RPS19: variants seen among roughly 807,000 people sequenced by gnomAD.
RPS19 encodes small ribosomal subunit protein eS19.
Under a neutral mutation model 20.3 loss-of-function variants are expected in RPS19, and 1 was observed. The observed-to-expected ratio is 0.05, with a 90% CI of 0.02 to 0.23. The LOEUF is 0.23. Among genes scored for constraint, RPS19 ranks in the 10% least tolerant of loss-of-function variants. The pLI is 1.00. For missense variants in RPS19, 111 were observed against 192.7 expected, an observed-to-expected ratio of 0.58 and a Z score of 2.51; for synonymous variants, 87 against 74.8, an observed-to-expected ratio of 1.16 and a Z score of -0.84.
At chr19:41,861,451 A>T in intron 3 of RPS19, 1 of 550,732 alleles carries the variant, frequency 1.8e-6, no homozygotes, top group Non-Finnish European at 3.3e-6. Context: ...GAAACCAGAG[A>T]CAGATGAATG....
At chr19:41,870,053 A>C (rs1410711269) in intron 5 of RPS19, among the ~76,000 whole-genome samples, 1 of 152,086 alleles carries the variant, frequency 6.6e-6, no homozygotes, top group African/African-American at 2.4e-5. Flanking sequence ...GACCATTCTG[A>C]CCAACATGGA....
chr19:41,870,808 G>A (rs1340809050), intron 5 of RPS19, among the ~76,000 whole-genome samples: 1 of 147,538 alleles, frequency 6.8e-6, no homozygotes, highest in African/African-American at 2.5e-5. Context: ...CTTCTCACAT[G>A]GCAGTGGGCG....
intron 3 of RPS19, among the ~76,000 whole-genome samples, chr19:41,867,621 A>G (rs1600619024): frequency 6.6e-6 from 1 of 152,310 alleles, no homozygotes; most frequent in Non-Finnish European, 1.5e-5. Flanking sequence ...CTGATCCCAT[A>G]TATTTTAAAT....
chr19:41,865,715 G>A (rs567190752), intron 3 of RPS19, among the ~76,000 whole-genome samples: 126 of 152,040 alleles, frequency 8.3e-4, no homozygotes, highest in African/African-American at 2.9e-3. Context: ...TTCGGAGGCC[G>A]AGGCGGGCGG....
intron 3 of RPS19, among the ~76,000 whole-genome samples, chr19:41,863,645 A>G (rs782009432): frequency 2.6e-5 from 4 of 152,164 alleles, no homozygotes; most frequent in Non-Finnish European, 4.4e-5. Context: ...AAAGAGGCCC[A>G]TGGTAGAAGA....
chr19:41,864,953 G>A (rs2074069515), intron 3 of RPS19: 1 of 152,192 alleles, frequency 6.6e-6, no homozygotes, highest in Non-Finnish European at 1.5e-5. Context: ...TCCAATTTGT[G>A]AAGTTAATAA....
At chr19:41,868,222 A>T (rs1401775787) in intron 3 of RPS19, among the ~76,000 whole-genome samples, 1 of 152,176 alleles carries the variant, frequency 6.6e-6, no homozygotes, top group South Asian at 2.1e-4. Flanking sequence ...TGCTTCCTGC[A>T]TGTGGGCCCC....
At chr19:41,860,570 G>A (rs536655576) in intron 1 of RPS19, 1 of 642,046 alleles carries the variant, frequency 1.6e-6, no homozygotes, top group African/African-American at 1.8e-5. Context: ...GCCGGGCTCT[G>A]TTAGTGCGAT....
At chr19:41,868,096 A>G (rs61761242) in intron 3 of RPS19, among the ~76,000 whole-genome samples, 128 of 152,296 alleles carry the variant, frequency 8.4e-4, no homozygotes, top group Non-Finnish European at 1.5e-3. Flanking sequence ...AACTAGAGGA[A>G]AGAAATCACT....
Position 41,869,158 on chromosome 19 carries a change from C to T in RPS19, c.300C>T (p.Ala100=). 6.2e-7 allele frequency: 1 copy of T among 1,613,918 alleles called. No homozygotes were observed. Among genetic ancestry groups the T allele is most frequent in the Non-Finnish European group, 8.5e-7 (1 of 1,179,950 alleles). Residue 100 remains alanine (A), a synonymous_variant, in exon 4 of 6, where the codon GCC becomes GCT. Transcript: ENST00000598742. ...TCAGCCGAGGCTCCAAGAGTGTGGC[C>T]CGCCGGGTCCTCCAAGCCCTGGAGG... ...SHFSRGSKSV[A]RRVLQALEGL...
intron 3 of RPS19, chr19:41,863,769 T>G (rs1371560978): frequency 3.3e-5 from 5 of 151,226 alleles, no homozygotes; most frequent in African/African-American, 1.2e-4. Context: ...AAAGACTTGC[T>G]CTCACTGGAC....
chr19:41,871,092 A>G (rs113204164), intron 5 of RPS19, among the ~76,000 whole-genome samples: 265 of 151,750 alleles, frequency 1.7e-3, no homozygotes, highest in African/African-American at 6.1e-3. Flanking sequence ...CGAACTCTTG[A>G]CCTCAGGTGA....
intron 3 of RPS19, among the ~76,000 whole-genome samples, chr19:41,868,763 T>G (rs559773402): frequency 6.6e-6 from 1 of 152,256 alleles, no homozygotes; most frequent in South Asian, 2.1e-4. Flanking sequence ...CAGGTTCAAT[T>G]CAACAGCAGT....
At chr19:41,863,699 G>A (rs1263932823) in intron 3 of RPS19, among the ~76,000 whole-genome samples, 1 of 152,132 alleles carries the variant, frequency 6.6e-6, no homozygotes, top group African/African-American at 2.4e-5. Context: ...CAGAGCTGTA[G>A]GAGTAAGCAG....
chr19:41,871,339 CT>C lies in RPS19; in HGVS notation c.412-8del. 1 of 1,613,846 alleles carries C rather than the reference CT, an allele frequency of 6.2e-7. No homozygotes were observed. Among genetic ancestry groups the C allele is most frequent in the Non-Finnish European group, 8.5e-7 (1 of 1,179,758 alleles). ...CCTTGACTAACTTTTATTCTTCCAT[CT>C]TTTCCCACAGGTGGCAGCTGCCAAC... On this transcript the variant is annotated splice_polypyrimidine_tract_variant and intron_variant, in intron 5 of 5. Coordinates refer to ENST00000598742, the MANE Select transcript of RPS19 (RefSeq NM_001022.4).
rs35987051 is a variant in RPS19, at chr19:41,870,849, C to CTTTTTTT, written c.412-477_412-471dup. ...TGGACTCCACTCCGCCACTCCCTTC[C>CTTTTTTT]TTTTTTTTTTTTTTTTTTTTTTTTT... is the stretch of plus-strand genomic sequence containing the variant. On this transcript the variant is annotated intron_variant, in intron 5 of 5. Coordinates refer to ENST00000598742, the MANE Select transcript of RPS19 (RefSeq NM_001022.4). Among the ~76,000 whole-genome samples the CTTTTTTT allele has an allele frequency of 9.8e-4, 43 of 44,028 alleles. 2 individuals are homozygous for CTTTTTTT. Among genetic ancestry groups the CTTTTTTT allele is most frequent in the South Asian group, 2.7e-3 (3 of 1,130 alleles). The allele number at this position is 44,028 out of a possible 152,430, so 28.9% of individuals were successfully genotyped here. A position where few individuals can be genotyped will look rare whatever the true frequency, so the allele number is the denominator to read the frequency against.
At chr19:41,860,336 G>A (rs1297356757) in intron 1 of RPS19, 47 bp downstream of exon 1, 1 of 154,880 alleles carries the variant, frequency 6.5e-6, no homozygotes, top group Admixed American at 6.5e-5. Context: ...GGCAGGGCCG[G>A]ACGCCGAAGC....
At position 41,860,284 on chromosome 19, in the gene RPS19, C is replaced by A. The variant is rs1460872543; in HGVS notation, c.-6C>A. 6.5e-6 allele frequency: 1 copy of A among 153,292 alleles called. No homozygotes were observed. Among genetic ancestry groups the A allele is most frequent in the Non-Finnish European group, 1.5e-5 (1 of 68,480 alleles). 9.5% of individuals were successfully genotyped at this position (153,292 alleles called of 1,614,324 possible). On this transcript the variant is annotated 5_prime_UTR_variant, in exon 1 of 6. Transcript: ENST00000598742. ...TTCCCCTGGCTGGCAGCGCGGAGGC[C>A]GCACGGTAAGCGGGGGCTCCGAGCT...
At chr19:41,860,899 C>G (rs1555839100) in intron 2 of RPS19, 54 bp downstream of exon 2, 4 of 1,474,484 alleles carry the variant, frequency 2.7e-6, no homozygotes, top group Middle Eastern at 2.3e-4. Flanking sequence ...CTTGGCCTGC[C>G]CATCTGAGCC....
Sources: gnomAD v4.1 joint callset for allele counts (sites outside exome capture counted in the v4.1 genomes callset) on GRCh38, gnomAD v4.1.1 for gene constraint, MANE v1.5 for transcripts, NCBI Gene and HGNC (gene_info 2026-07-23, HGNC 2026-07-21) for gene names.